Variants in RYR3 observed in about 807,000 individuals in gnomAD.
RYR3 encodes the protein brain ryanodine receptor-calcium release channel.
RYR3 carries 207 observed loss-of-function variants against 584.3 expected under a neutral mutation model. That is an observed-to-expected ratio of 0.35 (90% CI 0.32 to 0.40). The LOEUF (loss-of-function observed/expected upper bound fraction) is 0.40. Among genes scored for constraint, RYR3 ranks in the 10% least tolerant of loss-of-function variants. The pLI, the probability that RYR3 is intolerant of heterozygous loss-of-function variation, is 1.00. For missense variants in RYR3, 5,616 were observed against 6,089.2 expected (o/e 0.92, Z 2.59); for synonymous variants, 2,416 against 2,248.5 (o/e 1.07, Z -2.11).
In RYR3 at chr15:33,838,559, G is replaced by T; in HGVS notation, c.12579G>T (p.Val4193=). The T allele has an allele frequency of 6.2e-7, 1 of 1,613,866 alleles. No homozygotes were observed. Among genetic ancestry groups the T allele is most frequent in the Non-Finnish European group, 8.5e-7 (1 of 1,179,854 alleles). The change falls in exon 89 of 104, where the codon GTG becomes GTT. Residue 4193 remains valine (V), a synonymous_variant. Coordinates refer to ENST00000634891, the MANE Select transcript of RYR3 (RefSeq NM_001036.6). ...VLFSFFWMLF[V]GLFQLLFTIL... Reference sequence around the variant, plus strand: ...TCTCCTTTTTCTGGATGCTGTTCGTGGGGCTATTCCAGTTGCTCTTCACCA... The same window carrying T: ...TCTCCTTTTTCTGGATGCTGTTCGTTGGGCTATTCCAGTTGCTCTTCACCA...
intron 66 of RYR3, among the ~76,000 whole-genome samples, chr15:33,786,413 A>G (rs950691871): frequency 6.6e-6 from 1 of 151,594 alleles, no homozygotes; most frequent in Non-Finnish European, 1.5e-5. Context: ...GTCACTCTGC[A>G]TTTGTATTTC....
intron 12 of RYR3, among the ~76,000 whole-genome samples, chr15:33,575,834 T>TTTAA (rs1555535393): frequency 2.8e-4 from 40 of 144,602 alleles, no homozygotes; most frequent in Middle Eastern, 3.6e-3. Context: ...GAGCTGGTTT[T>TTTAA]AAAAAAAAAA....
chr15:33,623,747 T>A (rs2060843001), intron 19 of RYR3, 60 bp from the exon 20 acceptor site: 12 of 1,250,808 alleles, frequency 9.6e-6, no homozygotes, highest in Non-Finnish European at 1.4e-5. Context: ...TAATTTTCAC[T>A]TATTTGGGCT....
intron 1 of RYR3, among the ~76,000 whole-genome samples, chr15:33,417,017 T>G (rs1297249792): frequency 6.6e-6 from 1 of 152,160 alleles, no homozygotes; most frequent in Non-Finnish European, 1.5e-5. Flanking sequence ...TGGCTTTATT[T>G]CAGTAGTCCC....
At chr15:33,587,030 TG>T (rs113978762) in intron 16 of RYR3, among the ~76,000 whole-genome samples, 37,933 of 151,970 alleles carry the variant, frequency 0.25, 5,816 homozygotes, top group Non-Finnish European at 0.35. Flanking sequence ...CTGGGGGGAC[TG>T]CGTATTTGAG....
At chr15:33,781,866 G>C (rs1460525895) in intron 65 of RYR3, among the ~76,000 whole-genome samples, 1 of 151,606 alleles carries the variant, frequency 6.6e-6, no homozygotes, top group Admixed American at 6.6e-5. Context: ...AAAAGGGGGG[G>C]GGGATTTCCA....
At chr15:33,476,724 G>T (rs891362992) in intron 2 of RYR3, among the ~76,000 whole-genome samples, 2 of 152,188 alleles carry the variant, frequency 1.3e-5, no homozygotes, top group African/African-American at 4.8e-5. Context: ...TTCCCAAAAT[G>T]ATAGATAAAT....
intron 1 of RYR3, among the ~76,000 whole-genome samples, chr15:33,395,555 G>A (rs935549845): frequency 6.6e-6 from 1 of 152,158 alleles, no homozygotes; most frequent in Non-Finnish European, 1.5e-5. Context: ...ATTTGAGCTG[G>A]TAATGAATCT....
At chr15:33,826,860 A>G in intron 84 of RYR3, 108 bp downstream of exon 84, 2 of 763,252 alleles carry the variant, frequency 2.6e-6, no homozygotes, top group Non-Finnish European at 4.5e-6. Context: ...CAAGGACATC[A>G]GTTAATGCGT....
At chr15:33,331,261 T>A (rs1280299388) in intron 1 of RYR3, among the ~76,000 whole-genome samples, 1 of 152,202 alleles carries the variant, frequency 6.6e-6, no homozygotes, top group Non-Finnish European at 1.5e-5. Context: ...AATTCTATAA[T>A]GTTCTTGATG....
intron 60 of RYR3, among the ~76,000 whole-genome samples, chr15:33,768,164 C>T (rs1189069414): frequency 6.6e-6 from 1 of 152,200 alleles, no homozygotes; most frequent in African/African-American, 2.4e-5. Flanking sequence ...AACACAATCT[C>T]ACCTTGTACC....
In RYR3 at chr15:33,848,413, C is replaced by G. The variant is rs139023249; in HGVS notation, c.13620C>G (p.Ile4540Met). ...DIKGQWDRLV[I>M]NTPSFPNNYW... ...AGGGGCAGTGGGACCGCTTGGTGATCAACACACCGTGAGTGTCCCTCTACC... is the reference window on the plus strand; with the variant it reads ...AGGGGCAGTGGGACCGCTTGGTGATGAACACACCGTGAGTGTCCCTCTACC... The change falls in exon 94 of 104, where the codon ATC becomes ATG. Residue 4540 changes from isoleucine (I) to methionine (M), a missense_variant. This residue lies in a region of RYR3 where 918 missense variants were observed against 887.4 expected (regional missense o/e 1.03). Coordinates refer to ENST00000634891, the MANE Select transcript of RYR3 (RefSeq NM_001036.6). 5.6e-5 allele frequency: 91 copies of G among 1,612,656 alleles called. 2 individuals are homozygous for G. The African/African-American group carries it at 9.9e-4, about 17-fold the overall frequency.
intron 1 of RYR3, among the ~76,000 whole-genome samples, chr15:33,350,806 C>G (rs1197244480): frequency 1.3e-5 from 2 of 150,966 alleles, no homozygotes; most frequent in African/African-American, 2.4e-5. Flanking sequence ...CAAGAGAAAG[C>G]AGGAAAGATC....
chr15:33,832,631 T>C (rs1445138870), intron 86 of RYR3, among the ~76,000 whole-genome samples: 5 of 138,306 alleles, frequency 3.6e-5, no homozygotes, highest in Admixed American at 3.1e-4. Flanking sequence ...CACTACAGCA[T>C]GGGTGACAGA....
chr15:33,675,568 A>T (rs4780151), intron 38 of RYR3, among the ~76,000 whole-genome samples: 2,045 of 152,312 alleles, frequency 0.013, 68 homozygotes, highest in South Asian at 0.11. Flanking sequence ...AACTTCTCCC[A>T]AAATTCATGA....
At position 33,731,469 on chromosome 15, in the gene RYR3, T is replaced by A; in HGVS notation, c.7204-5T>A. Reference sequence around the variant, plus strand: ...TTAACCTGTGTCCCAATCTTCTTTCTCTAGGTTTCCCTAAGCACCACAGAG... The same window carrying A: ...TTAACCTGTGTCCCAATCTTCTTTCACTAGGTTTCCCTAAGCACCACAGAG... On this transcript the variant is annotated splice_region_variant and splice_polypyrimidine_tract_variant and intron_variant, in intron 47 of 103. Transcript: ENST00000634891. 6.2e-7 allele frequency: 1 copy of A among 1,604,174 alleles called. No homozygotes were observed. The highest frequency in any genetic ancestry group is 8.5e-7 in the Non-Finnish European group (1 of 1,174,214).
intron 1 of RYR3, among the ~76,000 whole-genome samples, chr15:33,472,154 T>A (rs2572188): frequency 1.2e-3 from 187 of 152,274 alleles, no homozygotes; most frequent in African/African-American, 4.4e-3. Flanking sequence ...CTAGTAAAAC[T>A]GTGGAGCTAT....
intron 85 of RYR3, among the ~76,000 whole-genome samples, chr15:33,830,183 C>A (rs1352423816): frequency 2.0e-5 from 3 of 152,210 alleles, no homozygotes; most frequent in African/African-American, 7.2e-5. Context: ...GCAGTACATG[C>A]GTCTTTCATG....
At chr15:33,504,877 A>G (rs2052333618) in intron 3 of RYR3, among the ~76,000 whole-genome samples, 1 of 152,112 alleles carries the variant, frequency 6.6e-6, no homozygotes, top group Non-Finnish European at 1.5e-5. Flanking sequence ...CACTTCCCTT[A>G]TGTAATCCCT....
Sources: allele counts gnomAD v4.1 joint callset (sites outside exome capture counted in the v4.1 genomes callset), GRCh38; gene constraint gnomAD v4.1.1; regional missense constraint gnomAD v4.1.1; transcripts MANE v1.5; gene names NCBI Gene and HGNC (gene_info 2026-07-23, HGNC 2026-07-21).